NRG3: variants seen among roughly 807,000 people sequenced by gnomAD.
The protein encoded by NRG3 is neuregulin 3.
In NRG3, 31 loss-of-function variants were observed where a neutral mutation model predicts 66.9. The observed-to-expected ratio is 0.46, with a 90% CI of 0.35 to 0.63. The LOEUF (loss-of-function observed/expected upper bound fraction) is 0.63, where lower values mean the gene tolerates loss of function less well. NRG3 is among the 20% of genes least tolerant of loss of function. NRG3 has a pLI of 0.00. For missense variants in NRG3, 910 were observed against 878.9 expected, an observed-to-expected ratio of 1.04 and a Z score of -0.45; for synonymous variants, 393 against 359.4, an observed-to-expected ratio of 1.09 and a Z score of -1.06.
intron 1 of NRG3, among the ~76,000 whole-genome samples, chr10:82,003,975 A>G (rs1284289856): frequency 2.7e-5 from 4 of 145,818 alleles, no homozygotes; most frequent in East Asian, 2.1e-4. Flanking sequence ...TGCTGTAAGG[A>G]TACCTGACTG....
chr10:82,766,101 A>C (rs1231274573), intron 3 of NRG3, among the ~76,000 whole-genome samples: 5 of 152,292 alleles, frequency 3.3e-5, no homozygotes, highest in Non-Finnish European at 2.9e-5. Context: ...AATTAATCCC[A>C]AATGCAAAAT....
intron 3 of NRG3, among the ~76,000 whole-genome samples, chr10:82,830,061 C>T (rs1052525373): frequency 3.9e-5 from 6 of 152,072 alleles, no homozygotes; most frequent in South Asian, 2.1e-4. Flanking sequence ...AGTTAAAGGC[C>T]GACATTAATG....
At chr10:82,309,298 G>A (rs1320259265) in intron 1 of NRG3, among the ~76,000 whole-genome samples, 2 of 152,066 alleles carry the variant, frequency 1.3e-5, no homozygotes, top group South Asian at 2.1e-4. Flanking sequence ...AAATTAATTG[G>A]TACTAGTTTT....
chr10:82,395,887 G>A (rs1034243668), intron 2 of NRG3, among the ~76,000 whole-genome samples: 1 of 152,088 alleles, frequency 6.6e-6, no homozygotes, highest in Non-Finnish European at 1.5e-5. Context: ...CATTGAAAAT[G>A]CTCTTACCAT....
intron 1 of NRG3, among the ~76,000 whole-genome samples, chr10:82,277,632 C>T (rs898401188): frequency 1.8e-4 from 28 of 152,064 alleles, no homozygotes; most frequent in Admixed American, 1.4e-3. Flanking sequence ...CCATCTAGGT[C>T]ACTAGCCCTT....
Position 82,520,212 on chromosome 10 carries a change from A to G in NRG3, c.953+161344A>G, listed in dbSNP as rs540298079. On this transcript the variant is annotated intron_variant, in intron 2 of 8. Coordinates refer to ENST00000372141, the MANE Select transcript of NRG3 (RefSeq NM_001010848.4). ...AGCCCTGTAAATGTTATTTCAGTGT[A>G]TGGAATAAGATGATTTTCTGTCCAC... Among the ~76,000 whole-genome samples the G allele has an allele frequency of 2.0e-5, 3 of 150,366 alleles. No homozygotes were observed. In the East Asian group the frequency reaches 5.9e-4, roughly 29 times the overall value.
At chr10:82,257,568 C>G (rs113615074) in intron 1 of NRG3, among the ~76,000 whole-genome samples, 6,279 of 152,046 alleles carry the variant, frequency 0.041, 185 homozygotes, top group Middle Eastern at 0.085. Flanking sequence ...TCAGGAGTTC[C>G]AGACCAGCCT....
At chr10:82,280,101 A>G (rs1419373294) in intron 1 of NRG3, among the ~76,000 whole-genome samples, 4 of 152,166 alleles carry the variant, frequency 2.6e-5, no homozygotes, top group Non-Finnish European at 5.9e-5. Flanking sequence ...AACAGGGTGT[A>G]TGAAAGTAAG....
chr10:82,426,873 A>G (rs930511130), intron 2 of NRG3, among the ~76,000 whole-genome samples: 2 of 151,754 alleles, frequency 1.3e-5, no homozygotes, highest in African/African-American at 4.8e-5. Flanking sequence ...CTGGTCTCGA[A>G]CTCCTGGGTT....
intron 1 of NRG3, chr10:82,232,831 G>C (rs988813533): frequency 2.8e-6 from 2 of 717,248 alleles, no homozygotes; most frequent in African/African-American, 3.5e-5. Flanking sequence ...TAAGTTGTAA[G>C]GCATGGCCTT....
chr10:82,432,719 G>A (rs2089901969), intron 2 of NRG3, among the ~76,000 whole-genome samples: 1 of 151,966 alleles, frequency 6.6e-6, no homozygotes, highest in Admixed American at 6.6e-5. Flanking sequence ...GCTGTGTTTG[G>A]TTTTCTGTTC....
At chr10:82,720,262 T>C (rs867218486) in intron 2 of NRG3, among the ~76,000 whole-genome samples, 1 of 152,062 alleles carries the variant, frequency 6.6e-6, no homozygotes, top group South Asian at 2.1e-4. Context: ...TGGTGGCGCA[T>C]TCCTGTAATC....
intron 1 of NRG3, among the ~76,000 whole-genome samples, chr10:81,900,917 C>T (rs1844005506): frequency 6.6e-6 from 1 of 151,948 alleles, no homozygotes; most frequent in South Asian, 2.1e-4. Context: ...AAATTTTTTC[C>T]TCAGGATCAC....
intron 2 of NRG3, among the ~76,000 whole-genome samples, chr10:82,503,433 G>A (rs904034005): frequency 1.3e-5 from 2 of 152,114 alleles, no homozygotes; most frequent in African/African-American, 4.8e-5. Context: ...AGATGTAAGA[G>A]TTTTACCTCC....
rs918759035 is a variant in NRG3, at chr10:81,875,775, C to G, written c.435C>G (p.Ala145=). 7 of 1,611,768 alleles carry G rather than the reference C, an allele frequency of 4.3e-6. No individual in the cohort carries two copies. The highest frequency in any genetic ancestry group is 5.9e-6 in the Non-Finnish European group (7 of 1,179,866). The part of the protein sequence containing the change: ...TSPATPSAGG[A]ASSRTPNRIS... The stretch of plus-strand genomic sequence containing the variant: ...CCGCCACCCCCTCCGCCGGGGGTGC[C>G]GCCTCCTCCAGGACGCCCAACCGGA... Residue 145 remains alanine, a synonymous_variant, in exon 1 of 9, where the codon GCC becomes GCG. Coordinates refer to ENST00000372141, the MANE Select transcript of NRG3 (RefSeq NM_001010848.4). This position sits in a 1 kb window ranked among gnomAD's most constrained non-coding sequence, Gnocchi z 5.3.
At chr10:82,483,056 C>T (rs538764049) in intron 2 of NRG3, among the ~76,000 whole-genome samples, 2 of 152,080 alleles carry the variant, frequency 1.3e-5, no homozygotes, top group African/African-American at 4.8e-5. Context: ...TTCCAACATT[C>T]AAAGTTTCTG....
chr10:82,551,208 G>A (rs1051770031), intron 2 of NRG3, among the ~76,000 whole-genome samples: 2 of 152,084 alleles, frequency 1.3e-5, no homozygotes, highest in Non-Finnish European at 2.9e-5. Context: ...TAAATGGAAT[G>A]CTTACTAAAG....
At chr10:82,362,372 TGTG>T (rs1459282151) in intron 2 of NRG3, among the ~76,000 whole-genome samples, 2 of 140,992 alleles carry the variant, frequency 1.4e-5, no homozygotes, top group African/African-American at 5.3e-5. Context: ...TGTGTGTGTG[TGTG>T]TGTATTTTAT....
chr10:81,906,620 C>T (rs546569232), intron 1 of NRG3, among the ~76,000 whole-genome samples: 4 of 152,150 alleles, frequency 2.6e-5, no homozygotes, highest in African/African-American at 9.6e-5. Context: ...AATATGTTGC[C>T]ACGTGAGGTC....
Sources: gnomAD v4.1 joint callset for allele counts (sites outside exome capture counted in the v4.1 genomes callset) on GRCh38, gnomAD v4.1.1 for gene constraint, Gnocchi (gnomAD v3.1) non-coding constraint, MANE v1.5 for transcripts, NCBI Gene and HGNC (gene_info 2026-07-23, HGNC 2026-07-21) for gene names.